PGS1: variants seen among roughly 807,000 people sequenced by gnomAD.
The protein encoded by PGS1 is CDP-diacylglycerol--glycerol-3-phosphate 3-phosphatidyltransferase, mitochondrial.
PGS1 carries 44 observed loss-of-function variants against 58.3 expected under a neutral mutation model. The observed-to-expected ratio is 0.75, with a 90% CI of 0.59 to 0.97. The LOEUF (loss-of-function observed/expected upper bound fraction) is 0.97. Ranked by LOEUF, PGS1 falls within the 50% of genes least tolerant of loss-of-function variation. The pLI, the probability that PGS1 is intolerant of heterozygous loss-of-function variation, is 0.00. For missense variants in PGS1, 684 were observed against 731.1 expected, an observed-to-expected ratio of 0.94 and a Z score of 0.74; for synonymous variants, 330 against 311.0, an observed-to-expected ratio of 1.06 and a Z score of -0.64.
intron 8 of PGS1, among the ~76,000 whole-genome samples, chr17:78,416,761 C>A (rs116577004): frequency 0.011 from 1,687 of 152,274 alleles, 48 homozygotes; most frequent in African/African-American, 0.038. Context: ...GCCTGTGAAA[C>A]GCAGAAATAT....
intron 6 of PGS1, among the ~76,000 whole-genome samples, chr17:78,403,230 C>CA (rs2083836531): frequency 6.6e-6 from 1 of 152,036 alleles, no homozygotes; most frequent in Non-Finnish European, 1.5e-5. Flanking sequence ...ATGTCCCCCC[C>CA]AAGGAATTAT....
At chr17:78,407,351 T>TA (rs2084243255) in intron 7 of PGS1, among the ~76,000 whole-genome samples, 1 of 152,178 alleles carries the variant, frequency 6.6e-6, no homozygotes, top group Non-Finnish European at 1.5e-5. Context: ...AGTGGGATCT[T>TA]AAGTCAGCAC....
chr17:78,406,546 G>C (rs574485272), intron 7 of PGS1, among the ~76,000 whole-genome samples: 1 of 152,372 alleles, frequency 6.6e-6, no homozygotes, highest in East Asian at 1.9e-4. Flanking sequence ...GCATTGTTTG[G>C]TGTGGGAAGT....
At chr17:78,419,362 C>T (rs2085485015) in intron 8 of PGS1, among the ~76,000 whole-genome samples, 184 bp from the exon 9 acceptor site, 1 of 152,222 alleles carries the variant, frequency 6.6e-6, no homozygotes, top group African/African-American at 2.4e-5. Context: ...GAATGTTTGA[C>T]AGTGGCAACT....
chr17:78,384,303 T>TG (rs1249634678), intron 1 of PGS1, among the ~76,000 whole-genome samples: 1 of 152,170 alleles, frequency 6.6e-6, no homozygotes, highest in Non-Finnish European at 1.5e-5. Context: ...GGTTAGGTCT[T>TG]GCATTAGTCA....
At chr17:78,396,461 A>C (rs968650307) in intron 3 of PGS1, 76 bp downstream of exon 3, 1 of 1,076,872 alleles carries the variant, frequency 9.3e-7, no homozygotes, top group Non-Finnish European at 1.4e-6. Flanking sequence ...TGTGCCATGC[A>C]GTTGGTGTGG....
Position 78,420,296 on chromosome 17 carries a change from C to CG in PGS1, c.*10+621_*10+622insG. On this transcript the variant is annotated intron_variant, in intron 9 of 9. Coordinates refer to ENST00000262764, the MANE Select transcript of PGS1 (RefSeq NM_024419.5). The stretch of plus-strand genomic sequence containing the variant: ...GAGGGGCCTGCCGCTTCACCAGAGG[C>CG]ACCAGTGGGGTCCCACAGTCACCTG... 4 of 899,658 alleles carry CG rather than the reference C, an allele frequency of 4.4e-6. No individual in the cohort carries two copies. In the Admixed American group the frequency reaches 1.8e-4, roughly 40 times the overall value. 55.7% of individuals were successfully genotyped at this position (899,658 alleles called of 1,614,324 possible).
chr17:78,393,682 T>C (rs962321164), intron 2 of PGS1, among the ~76,000 whole-genome samples: 1 of 152,168 alleles, frequency 6.6e-6, no homozygotes, highest in African/African-American at 2.4e-5. Context: ...TAGTCTTGGT[T>C]CTTTAGGGAC....
chr17:78,401,094 C>T (rs951265733), intron 6 of PGS1, among the ~76,000 whole-genome samples: 2 of 151,950 alleles, frequency 1.3e-5, no homozygotes, highest in Non-Finnish European at 2.9e-5. Flanking sequence ...CTCCTTGAGG[C>T]GGAGTCACTC....
chr17:78,396,649 G>T (rs532140502), intron 3 of PGS1, among the ~76,000 whole-genome samples: 7 of 152,372 alleles, frequency 4.6e-5, no homozygotes, highest in African/African-American at 1.7e-4. Flanking sequence ...CCCACACAGG[G>T]CCCCAGGCAG....
chr17:78,385,838 G>T (rs899873078), intron 1 of PGS1, among the ~76,000 whole-genome samples: 2 of 152,246 alleles, frequency 1.3e-5, no homozygotes, highest in Non-Finnish European at 2.9e-5. Flanking sequence ...TCTCATGGGG[G>T]CAAGTGTGTG....
At chr17:78,382,369 C>T (rs1233553468) in intron 1 of PGS1, among the ~76,000 whole-genome samples, 1 of 151,920 alleles carries the variant, frequency 6.6e-6, no homozygotes, top group Non-Finnish European at 1.5e-5. Context: ...TATATGAAGT[C>T]GGGGCAGTGG....
At chr17:78,408,388 G>A (rs1385952898) in intron 7 of PGS1, among the ~76,000 whole-genome samples, 1 of 152,200 alleles carries the variant, frequency 6.6e-6, no homozygotes, top group Admixed American at 6.5e-5. Context: ...TGAGGGGCCT[G>A]GCTTAACCTC....
At chr17:78,403,358 C>G (rs563573642) in intron 6 of PGS1, among the ~76,000 whole-genome samples, 3 of 152,164 alleles carry the variant, frequency 2.0e-5, no homozygotes, top group Non-Finnish European at 4.4e-5. Flanking sequence ...TGAGTGTGGG[C>G]TACTGTGGAC....
At chr17:78,415,694 C>T (rs1271232093) in intron 8 of PGS1, among the ~76,000 whole-genome samples, 1 of 152,182 alleles carries the variant, frequency 6.6e-6, no homozygotes, top group Non-Finnish European at 1.5e-5. Context: ...CCCATTTTCT[C>T]TTTGAGGGAG....
intron 6 of PGS1, among the ~76,000 whole-genome samples, chr17:78,402,679 C>T (rs1366443335): frequency 6.6e-6 from 1 of 152,178 alleles, no homozygotes; most frequent in Admixed American, 6.5e-5. Flanking sequence ...AACTCCTGGC[C>T]TCAGGTGATC....
At chr17:78,378,942 C>T in intron 1 of PGS1, 134 bp downstream of exon 1, 1 of 1,013,760 alleles carries the variant, frequency 9.9e-7, no homozygotes, top group Non-Finnish European at 1.3e-6. Flanking sequence ...ATTTCTGCCT[C>T]CCGGGGCTCG....
intron 7 of PGS1, among the ~76,000 whole-genome samples, chr17:78,413,016 C>T (rs2084855969): frequency 6.6e-6 from 1 of 152,288 alleles, no homozygotes; most frequent in East Asian, 1.9e-4. Context: ...ACCTGGGCAG[C>T]GTGAGCCATC....
chr17:78,412,801 A>G (rs1429624479), intron 7 of PGS1, among the ~76,000 whole-genome samples: 1 of 152,230 alleles, frequency 6.6e-6, no homozygotes, highest in African/African-American at 2.4e-5. Context: ...GCCACACTGA[A>G]CAGACCCACT....
Sources: gnomAD v4.1 joint callset for allele counts (sites outside exome capture counted in the v4.1 genomes callset) on GRCh38, gnomAD v4.1.1 for gene constraint, MANE v1.5 for transcripts, NCBI Gene and HGNC (gene_info 2026-07-23, HGNC 2026-07-21) for gene names.